ARHGEF10: variants seen among roughly 807,000 people sequenced by gnomAD.
ARHGEF10 encodes Rho guanine nucleotide exchange factor 10, also known as Rho guanine nucleotide exchange factor (GEF) 10.
ARHGEF10 carries 140 observed loss-of-function variants against 147.4 expected under a neutral mutation model. The ratio of observed to expected loss-of-function variants is 0.95; its 90% CI spans 0.83 to 1.09. The LOEUF (loss-of-function observed/expected upper bound fraction) is 1.09, where lower values mean the gene tolerates loss of function less well. Among genes scored for constraint, ARHGEF10 ranks in the 50% least tolerant of loss-of-function variants. ARHGEF10 has a pLI of 0.00. For synonymous variants in ARHGEF10, 902 were observed against 695.8 expected, an observed-to-expected ratio of 1.30 and a Z score of -4.67; for missense variants, 2,222 against 1,752.7, an observed-to-expected ratio of 1.27 and a Z score of -4.78.
At chr8:1,842,468 C>T (rs770063375) in intron 1 of ARHGEF10, among the ~76,000 whole-genome samples, 13 of 152,212 alleles carry the variant, frequency 8.5e-5, no homozygotes, top group Non-Finnish European at 8.8e-5. Flanking sequence ...GGCCGGTGAC[C>T]ACCCTGGGCA....
rs575082222 is a variant in ARHGEF10 at position 1,924,055 on chromosome 8, A to G, written c.2488+181A>G. ...GGCGATTTTTTAGATGTTCATATTA[A>G]AATAGAGGGATCGCATATTAAAATG... is the stretch of plus-strand genomic sequence containing the variant. On this transcript the variant is annotated intron_variant, in intron 21 of 28. Coordinates refer to ENST00000349830, the MANE Select transcript of ARHGEF10 (RefSeq NM_014629.4). 3.3e-5 allele frequency among the ~76,000 whole-genome samples: 5 copies of G among 152,332 alleles called. No individual in the cohort carries two copies. In the East Asian group the frequency reaches 9.7e-4, roughly 29 times the overall value.
At chr8:1,929,514 C>T in intron 25 of ARHGEF10, 71 bp downstream of exon 25, 1 of 1,499,572 alleles carries the variant, frequency 6.7e-7, no homozygotes, top group East Asian at 2.3e-5. Flanking sequence ...CCGGTTTAGC[C>T]TCCCCACCTC....
intron 18 of ARHGEF10, 114 bp downstream of exon 18, chr8:1,909,584 G>A: frequency 7.1e-7 from 1 of 1,403,182 alleles, no homozygotes; most frequent in Admixed American, 2.0e-5. Context: ...GTTTAACATG[G>A]CAAGTCTGCA....
chr8:1,861,145 C>T (rs1446947680), intron 4 of ARHGEF10, among the ~76,000 whole-genome samples: 2 of 152,226 alleles, frequency 1.3e-5, no homozygotes, highest in South Asian at 2.1e-4. Flanking sequence ...AGCTCCATTT[C>T]GAGTCTGCTT....
intron 18 of ARHGEF10, among the ~76,000 whole-genome samples, chr8:1,920,509 G>A (rs925445629): frequency 1.5e-4 from 22 of 148,914 alleles, no homozygotes; most frequent in African/African-American, 5.5e-4. Context: ...TAAACTCTAT[G>A]TTTTTGGTTT....
chr8:1,923,569 G>C lies in ARHGEF10; in HGVS notation c.2361G>C (p.Gln787His). 1 of 1,614,108 alleles carries C rather than the reference G, an allele frequency of 6.2e-7. No homozygotes were observed. The highest frequency in any genetic ancestry group is 1.1e-5 in the South Asian group (1 of 91,078). ...EIRAADCCRI[Q>H]LQLPGKQDKS... ...GAGCTGCGGACTGCTGCAGAATTCA[G>C]TTACAGCTTCCCGGGAAGCAGGACA... Residue 787 changes from glutamine to histidine, a missense_variant, in exon 20 of 29, where the codon CAG becomes CAC. Physicochemically the swap from Gln to His is conservative, Grantham distance 24. Transcript: ENST00000349830.
intron 1 of ARHGEF10, among the ~76,000 whole-genome samples, chr8:1,839,787 T>A (rs1372592242): frequency 6.9e-6 from 1 of 145,188 alleles, no homozygotes; most frequent in African/African-American, 2.6e-5. Context: ...GTGTGGGTAC[T>A]GTCTGGTGTG....
rs753458702 is a variant in ARHGEF10, at chr8:1,860,027, C to T, written c.324C>T (p.Pro108=). 4.6e-5 allele frequency: 74 copies of T among 1,614,014 alleles called. No homozygotes were observed. Among genetic ancestry groups the T allele is most frequent in the African/African-American group, 5.3e-5 (4 of 74,918 alleles). Reference sequence around the variant, plus strand: ...TCCAGGAGGACCAGCCGCCCACCCCCGTGCCCAGCGCTGAGGAGGAGAATG... The same window carrying T: ...TCCAGGAGGACCAGCCGCCCACCCCTGTGCCCAGCGCTGAGGAGGAGAATG... ...TPFQEDQPPT[P]VPSAEEENVG... is the part of the protein sequence containing the mutation. Residue 108 remains proline, a synonymous_variant, in exon 4 of 29, where the codon CCC becomes CCT. Coordinates refer to ENST00000349830, the MANE Select transcript of ARHGEF10 (RefSeq NM_014629.4).
intron 25 of ARHGEF10, 56 bp downstream of exon 25, chr8:1,929,499 T>G (rs1812946012): frequency 1.3e-6 from 2 of 1,542,202 alleles, no homozygotes. Flanking sequence ...CAGGGGACTG[T>G]GCATCCGGTT....
chr8:1,875,340 C>T (rs1807602566), intron 7 of ARHGEF10, among the ~76,000 whole-genome samples: 1 of 152,190 alleles, frequency 6.6e-6, no homozygotes, highest in African/African-American at 2.4e-5. Flanking sequence ...TCTGAGTCCC[C>T]TAGTACATGG....
At chr8:1,891,415 A>G (rs1305182237) in intron 11 of ARHGEF10, among the ~76,000 whole-genome samples, 2 of 152,194 alleles carry the variant, frequency 1.3e-5, no homozygotes, top group African/African-American at 2.4e-5. Flanking sequence ...TTGGGGGTGG[A>G]AAAAGGCAAA....
intron 27 of ARHGEF10, among the ~76,000 whole-genome samples, chr8:1,952,206 C>T (rs1288611972): frequency 6.6e-6 from 1 of 152,186 alleles, no homozygotes; most frequent in African/African-American, 2.4e-5. Flanking sequence ...CTGGAGAGGC[C>T]GTTCAGTTCC....
upstream of ARHGEF10, among the ~76,000 whole-genome samples, chr8:1,823,619 G>A (rs918800054): frequency 2.0e-5 from 3 of 151,972 alleles, no homozygotes; most frequent in Middle Eastern, 3.4e-3. Flanking sequence ...CCAGATGTTG[G>A]GGGCGGGGAG....
At chr8:1,917,942 C>T (rs1339457817) in intron 18 of ARHGEF10, among the ~76,000 whole-genome samples, 1 of 151,210 alleles carries the variant, frequency 6.6e-6, no homozygotes, top group East Asian at 1.9e-4. Flanking sequence ...CCATGCCTGG[C>T]TAATTTTTTT....
rs779022769 is a variant in ARHGEF10, at chr8:1,882,658, G to GAAGGACGGCACC, written c.993_1004dup (p.Thr332_Gly335dup). 1 of 1,554,972 alleles carries GAAGGACGGCACC rather than the reference G, an allele frequency of 6.4e-7. No individual in the cohort carries two copies. The highest frequency in any genetic ancestry group is 1.2e-5 in the South Asian group (1 of 84,302). On this transcript the variant is annotated inframe_insertion, in exon 10 of 29. Transcript: ENST00000349830. ...AGATGCAGAAGCTCGTGAAGGCCGC[G>GAAGGACGGCACC]AAGGACGGCACCAAGGACGGGCTGG...
chr8:1,839,268 C>G (rs1431679757), intron 1 of ARHGEF10, among the ~76,000 whole-genome samples: 1 of 147,578 alleles, frequency 6.8e-6, no homozygotes, highest in Non-Finnish European at 1.5e-5. Context: ...TGGGTACTGT[C>G]TGGTGTGGAA....
intron 23 of ARHGEF10, 115 bp from the exon 24 acceptor site, chr8:1,928,312 G>A: frequency 1.1e-6 from 1 of 933,506 alleles, no homozygotes; most frequent in Middle Eastern, 2.2e-4. Context: ...TTTTAAGTGT[G>A]TTGATTCTCA....
intron 2 of ARHGEF10, among the ~76,000 whole-genome samples, chr8:1,843,649 A>T (rs1216302244): frequency 6.6e-6 from 1 of 152,132 alleles, no homozygotes; most frequent in Admixed American, 6.5e-5. Flanking sequence ...TGCGTTCCTC[A>T]CAGGTGCTGC....
intron 11 of ARHGEF10, among the ~76,000 whole-genome samples, chr8:1,886,780 G>T (rs1261805563): frequency 6.6e-6 from 1 of 152,180 alleles, no homozygotes; most frequent in African/African-American, 2.4e-5. Flanking sequence ...CCTGGACTCG[G>T]AGGAGGCTGA....
Sources: gnomAD v4.1 joint callset for allele counts (sites outside exome capture counted in the v4.1 genomes callset) on GRCh38, gnomAD v4.1.1 for gene constraint, MANE v1.5 for transcripts, NCBI Gene and HGNC (gene_info 2026-07-23, HGNC 2026-07-21) for gene names.